Variants in TNFAIP6 observed in about 807,000 individuals in gnomAD.
TNFAIP6 encodes tumor necrosis factor-inducible gene 6 protein.
A neutral mutation model predicts 33.7 loss-of-function variants in TNFAIP6; 36 were observed. That is an observed-to-expected ratio of 1.07 (90% CI 0.82 to 1.41). The LOEUF (loss-of-function observed/expected upper bound fraction) is 1.41. TNFAIP6 is among the 40% of genes most tolerant of loss of function. The probability of loss-of-function intolerance (pLI) is 0.00; values close to 1 mark genes in which losing one functional copy is unlikely to be tolerated. For missense variants in TNFAIP6, 273 were observed against 331.9 expected (o/e 0.82, Z 1.38); for synonymous variants, 113 against 112.8 (o/e 1.00, Z -0.01).
intron 4 of TNFAIP6, among the ~76,000 whole-genome samples, chr2:151,370,857 G>A (rs1684804881): frequency 6.6e-6 from 1 of 152,184 alleles, no homozygotes; most frequent in Admixed American, 6.5e-5. Context: ...GATTACCTGA[G>A]GTCAGGAGTT....
At chr2:151,380,620 G>A (rs2152020579), downstream of TNFAIP6, among the ~76,000 whole-genome samples, 1 of 152,298 alleles carries the variant, frequency 6.6e-6, no homozygotes, top group African/African-American at 2.4e-5. Context: ...AAGGGCTGAG[G>A]AGAGCAGAAA....
intron 5 of TNFAIP6, among the ~76,000 whole-genome samples, chr2:151,375,285 GAAAC>G (rs1684886386): frequency 1.3e-5 from 2 of 150,286 alleles, no homozygotes; most frequent in African/African-American, 4.9e-5. Flanking sequence ...CATTCAAAGA[GAAAC>G]AAATCAAGAA....
intron 5 of TNFAIP6, among the ~76,000 whole-genome samples, chr2:151,375,379 G>C (rs1573786202): frequency 1.3e-5 from 2 of 152,148 alleles, no homozygotes; most frequent in East Asian, 3.9e-4. Context: ...CAAAGTAATA[G>C]AAAAAGAAGA....
intron 5 of TNFAIP6, among the ~76,000 whole-genome samples, chr2:151,373,939 TA>T (rs1684856422): frequency 6.6e-6 from 1 of 152,194 alleles, no homozygotes; most frequent in Non-Finnish European, 1.5e-5. Context: ...TGAAGTCATT[TA>T]TAAAGTCATT....
chr2:151,364,179 CTGATA>C, intron 2 of TNFAIP6, 99 bp downstream of exon 2: 1 of 1,396,168 alleles, frequency 7.2e-7, no homozygotes, highest in Non-Finnish European at 9.7e-7. Flanking sequence ...CAACCCCCTT[CTGATA>C]TATCACTAAG....
In TNFAIP6 at chr2:151,376,865, C is replaced by CTTTTTTTTTTTTTTTTTTTTTTT. The variant is rs71403162; in HGVS notation, c.665-2479_665-2478insTTTTTTTTTTTTTTTTTTTTTTT. ...GCCAATTTACATTTCTTTTTCTTTT[C>CTTTTTTTTTTTTTTTTTTTTTTT]TTTTTTTTTTTTTTTTTTTTGTTTT... is the stretch of plus-strand genomic sequence containing the variant. On this transcript the variant is annotated intron_variant, in intron 5 of 5. Coordinates refer to ENST00000243347, the MANE Select transcript of TNFAIP6 (RefSeq NM_007115.4). 7.0e-5 allele frequency among the ~76,000 whole-genome samples: 8 copies of CTTTTTTTTTTTTTTTTTTTTTTT among 114,164 alleles called. 1 individual carries two copies. Among genetic ancestry groups the CTTTTTTTTTTTTTTTTTTTTTTT allele is most frequent in the African/African-American group, 1.0e-4 (3 of 29,476 alleles). 74.9% of individuals were successfully genotyped at this position (114,164 alleles called of 152,430 possible).
In TNFAIP6 at chr2:151,357,700, T is replaced by C; in HGVS notation, c.34T>C (p.Trp12Arg). The stretch of plus-strand genomic sequence containing the variant: ...CTTAATTTACTTATTTCTCTTGCTA[T>C]GGGAAGACACTCAAGGATGGGGATT... ...IILIYLFLLLWEDTQGWGFKD... is the reference protein window; with the variant it reads ...IILIYLFLLLREDTQGWGFKD... The change falls in exon 1 of 6, where the codon TGG becomes CGG. Residue 12 changes from tryptophan (W) to arginine (R), a missense_variant. Trp to Arg is a moderately radical substitution (Grantham distance 101, BLOSUM62 -3). Transcript: ENST00000243347. 6.2e-7 allele frequency: 1 copy of C among 1,612,834 alleles called. No homozygotes were observed. The highest frequency in any genetic ancestry group is 8.5e-7 in the Non-Finnish European group (1 of 1,178,882).
chr2:151,381,200 A>G (rs1033926177), downstream of TNFAIP6, among the ~76,000 whole-genome samples: 2 of 152,160 alleles, frequency 1.3e-5, no homozygotes, highest in African/African-American at 4.8e-5. Context: ...CACCGGGCGC[A>G]GTGGCTCACT....
chr2:151,370,673 A>G (rs765772650), intron 4 of TNFAIP6, among the ~76,000 whole-genome samples: 2 of 152,248 alleles, frequency 1.3e-5, no homozygotes, highest in Non-Finnish European at 2.9e-5. Context: ...TAGTTAGTCT[A>G]TGTTATAAAC....
intron 3 of TNFAIP6, among the ~76,000 whole-genome samples, chr2:151,369,089 AG>A (rs1167254373): frequency 2.6e-5 from 4 of 152,268 alleles, no homozygotes; most frequent in Middle Eastern, 3.4e-3. Flanking sequence ...GCTACTCAGA[AG>A]GCTGAGGCAT....
rs1266478940 is a variant in TNFAIP6, at chr2:151,370,087, G to A, written c.462G>A (p.Glu154=). The A allele has an allele frequency of 1.9e-6, 3 of 1,614,090 alleles. No homozygotes were observed. The highest frequency in any genetic ancestry group is 2.5e-6 in the Non-Finnish European group (3 of 1,180,012). ...TTAAATCTCCAGGCTTCCCAAATGA[G>A]TACGAAGATAACCAAATCTGCTACT... ...QIFKSPGFPN[E]YEDNQICYWH... The change falls in exon 4 of 6, where the codon GAG becomes GAA. Residue 154 remains glutamate, a synonymous_variant. Coordinates refer to ENST00000243347, the MANE Select transcript of TNFAIP6 (RefSeq NM_007115.4).
At chr2:151,360,200 A>C (rs1684604934) in intron 1 of TNFAIP6, among the ~76,000 whole-genome samples, 1 of 152,194 alleles carries the variant, frequency 6.6e-6, no homozygotes, top group Non-Finnish European at 1.5e-5. Context: ...CAGGAGGCTG[A>C]AGTGGAAGGA....
chr2:151,377,457 C>T (rs1311987876), intron 5 of TNFAIP6, among the ~76,000 whole-genome samples: 1 of 145,692 alleles, frequency 6.9e-6, no homozygotes, highest in Non-Finnish European at 1.5e-5. Context: ...GCGTGAGCCA[C>T]CGTGCCCGGC....
rs532485371 is a variant in TNFAIP6, at chr2:151,374,638, A to C, written c.664+1049A>C. Among the ~76,000 whole-genome samples the C allele has an allele frequency of 1.6e-4, 25 of 152,356 alleles. No homozygotes were observed. In the South Asian group the frequency reaches 5.2e-3, roughly 32 times the overall value. Reference sequence around the variant, plus strand: ...CTTCCTGCTCTGTTATCGAATGATTAATGCTTAAACCTTGTTAGTTCATTA... The same window carrying C: ...CTTCCTGCTCTGTTATCGAATGATTCATGCTTAAACCTTGTTAGTTCATTA... On this transcript the variant is annotated intron_variant, in intron 5 of 5. Coordinates refer to ENST00000243347, the MANE Select transcript of TNFAIP6 (RefSeq NM_007115.4).
intron 2 of TNFAIP6, among the ~76,000 whole-genome samples, chr2:151,365,357 G>A (rs543602104): frequency 1.3e-5 from 2 of 151,740 alleles, no homozygotes; most frequent in Non-Finnish European, 2.9e-5. Context: ...TAAATAAATA[G>A]GCCAGGCGTG....
chr2:151,379,868 A>G lies in TNFAIP6; in HGVS notation c.*335A>G, dbSNP rs1684983972. On this transcript the variant is annotated 3_prime_UTR_variant, in exon 6 of 6. Transcript: ENST00000243347. ...TGTACAGTTTTGTATTATACTTTTTAAATCTTGAACTTTATAAACATTTTC... is the reference window on the plus strand; with the variant it reads ...TGTACAGTTTTGTATTATACTTTTTGAATCTTGAACTTTATAAACATTTTC... 1 of 156,774 alleles carries G rather than the reference A, an allele frequency of 6.4e-6. No homozygotes were observed. Among genetic ancestry groups the G allele is most frequent in the African/African-American group, 2.4e-5 (1 of 41,764 alleles). 9.7% of individuals were successfully genotyped at this position (156,774 alleles called of 1,614,324 possible).
At position 151,378,907 on chromosome 2, in the gene TNFAIP6, G is replaced by A. The variant is rs150763151; in HGVS notation, c.665-457G>A. On this transcript the variant is annotated intron_variant, in intron 5 of 5. Transcript: ENST00000243347. The stretch of plus-strand genomic sequence containing the variant: ...GAGGTCGGGAGTTTGAGACCAGCCT[G>A]GCCAACATGGTGAAACCCCGTCTCT... Among the ~76,000 whole-genome samples, 1,100 of 151,926 alleles carry A rather than the reference G, an allele frequency of 7.2e-3. 16 individuals carry two copies. Among genetic ancestry groups the A allele is most frequent in the African/African-American group, 0.025 (1,053 of 41,500 alleles).
chr2:151,360,857 G>A (rs1411905946), intron 1 of TNFAIP6, among the ~76,000 whole-genome samples: 1 of 152,094 alleles, frequency 6.6e-6, no homozygotes, highest in Non-Finnish European at 1.5e-5. Flanking sequence ...ATTACTGAGG[G>A]TGGGAGAAGG....
At position 151,376,865 on chromosome 2, in the gene TNFAIP6, C is replaced by CTTTTTTTTTTTTTTTTT. The variant is rs71403162; in HGVS notation, c.665-2495_665-2479dup. ...GCCAATTTACATTTCTTTTTCTTTT[C>CTTTTTTTTTTTTTTTTT]TTTTTTTTTTTTTTTTTTTTGTTTT... On this transcript the variant is annotated intron_variant, in intron 5 of 5. Transcript: ENST00000243347. 2.4e-3 allele frequency among the ~76,000 whole-genome samples: 272 copies of CTTTTTTTTTTTTTTTTT among 114,178 alleles called. 3 individuals are homozygous for CTTTTTTTTTTTTTTTTT. The highest frequency in any genetic ancestry group is 3.7e-3 in the African/African-American group (109 of 29,546). The allele number at this position is 114,178 out of a possible 152,430, so 74.9% of individuals were successfully genotyped here.
Sources: gnomAD v4.1 joint callset for allele counts (sites outside exome capture counted in the v4.1 genomes callset) on GRCh38, gnomAD v4.1.1 for gene constraint, MANE v1.5 for transcripts, NCBI Gene and HGNC (gene_info 2026-07-23, HGNC 2026-07-21) for gene names.